Variants in GZF1 observed in about 807,000 individuals in gnomAD.
GZF1 encodes GDNF inducible zinc finger protein 1, also known as GDNF-inducible zinc finger protein 1.
A neutral mutation model predicts 49.4 loss-of-function variants in GZF1; 28 were observed. That is an observed-to-expected ratio of 0.57 (90% CI 0.42 to 0.78). The LOEUF (loss-of-function observed/expected upper bound fraction) is 0.78. Among genes scored for constraint, GZF1 ranks in the 30% least tolerant of loss-of-function variants. The pLI, the probability that GZF1 is intolerant of heterozygous loss-of-function variation, is 0.00. For missense variants in GZF1, 798 were observed against 916.2 expected (o/e 0.87, Z 1.67); for synonymous variants, 364 against 356.0 (o/e 1.02, Z -0.25).
At chr20:23,368,012 G>T (rs997341032) in intron 3 of GZF1, among the ~76,000 whole-genome samples, 1 of 152,168 alleles carries the variant, frequency 6.6e-6, no homozygotes, top group African/African-American at 2.4e-5. Context: ...TGCTCATTCT[G>T]AAGTCATAAT....
chr20:23,366,900 G>T, intron 2 of GZF1, 103 bp from the exon 3 acceptor site: 2 of 763,918 alleles, frequency 2.6e-6, no homozygotes. Context: ...ATTCTCATTA[G>T]GTCTCTTGGA....
In GZF1 at chr20:23,370,481, G is replaced by T; in HGVS notation, c.*40G>T. On this transcript the variant is annotated 3_prime_UTR_variant, in exon 6 of 6. Coordinates refer to ENST00000338121, the MANE Select transcript of GZF1 (RefSeq NM_022482.5). Reference sequence around the variant, plus strand: ...TCCCATCCTGTTAGTCTGCGTGTGTGGTAGCTGAACTCAAGATGATGTGGG... The same window carrying T: ...TCCCATCCTGTTAGTCTGCGTGTGTTGTAGCTGAACTCAAGATGATGTGGG... 1 of 1,292,126 alleles carries T rather than the reference G, an allele frequency of 7.7e-7. No individual in the cohort carries two copies. The highest frequency in any genetic ancestry group is 1.1e-6 in the Non-Finnish European group (1 of 899,424). The allele number at this position is 1,292,126 out of a possible 1,614,324, so 80.0% of individuals were successfully genotyped here.
chr20:23,365,870 C>T, intron 2 of GZF1, 123 bp downstream of exon 2: 1 of 1,380,022 alleles, frequency 7.2e-7, no homozygotes, highest in Non-Finnish European at 9.5e-7. Flanking sequence ...GGGCTTATTT[C>T]GAGACAGCGT....
Position 23,365,589 on chromosome 20 carries a change from C to A in GZF1, c.1206C>A (p.Gly402=), listed in dbSNP as rs763451075. Reference sequence around the variant, plus strand: ...GGCACGTGCTGCAGGTGCATGAGGGCGGCGGCGAGCGGCACCGCTGCGGCC... The same window carrying A: ...GGCACGTGCTGCAGGTGCATGAGGGAGGCGGCGAGCGGCACCGCTGCGGCC... ...VKRHVLQVHE[G]GGERHRCGQC... The change falls in exon 2 of 6, where the codon GGC becomes GGA. Residue 402 remains glycine, a synonymous_variant. Coordinates refer to ENST00000338121, the MANE Select transcript of GZF1 (RefSeq NM_022482.5). 8 of 1,609,170 alleles carry A rather than the reference C, an allele frequency of 5.0e-6. No individual in the cohort carries two copies. Among genetic ancestry groups the A allele is most frequent in the South Asian group, 1.1e-5 (1 of 91,002 alleles).
Position 23,369,700 on chromosome 20 carries a change from C to T in GZF1, c.1744C>T (p.Arg582Trp), listed in dbSNP as rs1347453704. The change falls in exon 5 of 6, where the codon CGG becomes TGG. Residue 582 changes from arginine to tryptophan, a missense_variant. Around this residue, in one of 3 missense-constraint regions of GZF1, gnomAD observed 446 missense variants for 540.1 expected, o/e 0.83. Coordinates refer to ENST00000338121, the MANE Select transcript of GZF1 (RefSeq NM_022482.5). The part of the protein sequence containing the change: ...ERPFMCNACG[R>W]TFTDKSTLRR... ...GCCATTCATGTGCAATGCGTGCGGACGGACATTCACCGACAAGTCCACTCT... is the reference window on the plus strand; with the variant it reads ...GCCATTCATGTGCAATGCGTGCGGATGGACATTCACCGACAAGTCCACTCT... The T allele has an allele frequency of 3.1e-6, 5 of 1,613,644 alleles. No homozygotes were observed. Among genetic ancestry groups the T allele is most frequent in the Admixed American group, 1.7e-5 (1 of 59,886 alleles).
Position 23,365,287 on chromosome 20 carries a change from G to T in GZF1, c.904G>T (p.Glu302Ter). The change falls in exon 2 of 6, where the codon GAG becomes TAG. Residue 302 changes from glutamate to a stop codon, truncating the protein, a stop_gained. Transcript: ENST00000338121. LOFTEE classifies it high-confidence loss of function. Reference sequence around the variant, plus strand: ...GAAAGCAGGGCCGGAGGAGGAAGAGGAGGAGGAGGAGGAGGACGAAGAAGG... The same window carrying T: ...GAAAGCAGGGCCGGAGGAGGAAGAGTAGGAGGAGGAGGAGGACGAAGAAGG... ...SKKAGPEEEE[E>*]EEEEDEEGEK... 1 of 1,604,464 alleles carries T rather than the reference G, an allele frequency of 6.2e-7. No homozygotes were observed. The highest frequency in any genetic ancestry group is 8.5e-7 in the Non-Finnish European group (1 of 1,174,884).
upstream of GZF1, among the ~76,000 whole-genome samples, chr20:23,361,339 TTA>T (rs1249612600): frequency 6.6e-6 from 1 of 152,128 alleles, no homozygotes; most frequent in Non-Finnish European, 1.5e-5. Flanking sequence ...CGGGCTTTAG[TTA>T]GTATTGAGCA....
chr20:23,363,186 T>A (rs1980898566), intron 1 of GZF1: 1 of 152,252 alleles, frequency 6.6e-6, no homozygotes, highest in South Asian at 2.1e-4. Flanking sequence ...GTGGGACTAG[T>A]TTATCAGGGA....
intron 3 of GZF1, 60 bp downstream of exon 3, chr20:23,367,157 GATTA>G (rs574585139): frequency 8.9e-6 from 11 of 1,242,700 alleles, no homozygotes; most frequent in African/African-American, 8.8e-5. Context: ...AAATGCAATT[GATTA>G]ATTTTGAAGT....
Position 23,370,396 on chromosome 20 carries a change from A to T in GZF1, c.2091A>T (p.Thr697=). The T allele has an allele frequency of 1.2e-6, 2 of 1,613,998 alleles. No homozygotes were observed. The highest frequency in any genetic ancestry group is 8.5e-7 in the Non-Finnish European group (1 of 1,179,874). ...ISELSELTPQ[T]DSMPTQLHSL... is the part of the protein sequence containing the mutation. ...AGCTTAGCGAGCTGACCCCACAGAC[A>T]GACTCGATGCCCACACAGCTTCACT... The change falls in exon 6 of 6, where the codon ACA becomes ACT. Residue 697 remains threonine (T), a synonymous_variant. Transcript: ENST00000338121.
At chr20:23,365,814 C>G (rs1981296585) in intron 2 of GZF1, 67 bp downstream of exon 2, 4 of 1,441,654 alleles carry the variant, frequency 2.8e-6, no homozygotes, top group Non-Finnish European at 3.6e-6. Flanking sequence ...TGAGGTCGTC[C>G]TGGGATTTGA....
At chr20:23,361,598 G>A (rs569332070), upstream of GZF1, among the ~76,000 whole-genome samples, 4 of 152,296 alleles carry the variant, frequency 2.6e-5, no homozygotes, top group South Asian at 2.1e-4. Context: ...AGAGCGCCGC[G>A]CCGAGCCCCG....
chr20:23,361,960 C>CGCGGCGGGTGACGCAAT (rs1021547743), upstream of GZF1, among the ~76,000 whole-genome samples: 28 of 152,304 alleles, frequency 1.8e-4, no homozygotes, highest in East Asian at 3.9e-4. Flanking sequence ...GGCCTTGGCT[C>CGCGGCGGGTGACGCAAT]GCGGCGGGTG....
At chr20:23,362,829 A>G (rs1303721201) in intron 1 of GZF1, 1 of 152,206 alleles carries the variant, frequency 6.6e-6, no homozygotes, top group Non-Finnish European at 1.5e-5. Context: ...CTCAGAACCC[A>G]CTTTGTTGAT....
In GZF1 at chr20:23,372,498, G is replaced by A. The variant is rs1164514864; in HGVS notation, c.*2057G>A. The A allele has an allele frequency of 1.3e-5, 2 of 152,172 alleles. No homozygotes were observed. Among genetic ancestry groups the A allele is most frequent in the East Asian group, 1.9e-4 (1 of 5,204 alleles). 9.4% of individuals were successfully genotyped at this position (152,172 alleles called of 1,614,324 possible). ...CTCTGCTCATGCGCAGGCCACAACCGGGCTGGAAGTGCGGTTGAGCTCTCT... is the reference window on the plus strand; with the variant it reads ...CTCTGCTCATGCGCAGGCCACAACCAGGCTGGAAGTGCGGTTGAGCTCTCT... On this transcript the variant is annotated 3_prime_UTR_variant, in exon 6 of 6. Coordinates refer to ENST00000338121, the MANE Select transcript of GZF1 (RefSeq NM_022482.5).
chr20:23,369,642 C>T lies in GZF1; in HGVS notation c.1686C>T (p.Leu562=), dbSNP rs1981831989. The T allele has an allele frequency of 6.2e-7, 1 of 1,613,378 alleles. No individual in the cohort carries two copies. Among genetic ancestry groups the T allele is most frequent in the South Asian group, 1.1e-5 (1 of 91,054 alleles). Residue 562 remains leucine, a synonymous_variant, in exon 5 of 6, where the codon CTC becomes CTT. Transcript: ENST00000338121. ...AGCAGTTCACCCAGCTCAACGCCCT[C>T]CAGCGCCACCGCCGCATCCACACAG... ...CGKQFTQLNA[L]QRHRRIHTGE... is the part of the protein sequence containing the mutation.
At chr20:23,366,012 C>G (rs1019023686) in intron 2 of GZF1, among the ~76,000 whole-genome samples, 1 of 152,242 alleles carries the variant, frequency 6.6e-6, no homozygotes, top group African/African-American at 2.4e-5. Flanking sequence ...CTCGCCCCAC[C>G]GTGCTGGAGG....
chr20:23,364,706 G>A lies in GZF1; in HGVS notation c.323G>A (p.Arg108Gln), dbSNP rs1374584860. The A allele has an allele frequency of 2.5e-6, 4 of 1,614,120 alleles. No homozygotes were observed. Among genetic ancestry groups the A allele is most frequent in the South Asian group, 1.1e-5 (1 of 91,084 alleles). ...KVQVEEDRVQ[R>Q]MLEVAEKLKC... ...CAGGTGGAAGAAGATCGGGTGCAGC[G>A]AATGCTGGAAGTGGCTGAAAAGCTG... Residue 108 changes from arginine to glutamine, a missense_variant, in exon 2 of 6, where the codon CGA (arginine) becomes CAA (glutamine). Around this residue, in one of 3 missense-constraint regions of GZF1, gnomAD observed 105 missense variants for 147.5 expected, o/e 0.71. Coordinates refer to ENST00000338121, the MANE Select transcript of GZF1 (RefSeq NM_022482.5).
rs532452387 is a variant in GZF1 at position 23,366,294 on chromosome 20, C to T, written c.1364+547C>T. Reference sequence around the variant, plus strand: ...GTGGTGATGTTTTTAAATAAGTTTTCTTATAGTTCTTAGTATATTTATTCT... The same window carrying T: ...GTGGTGATGTTTTTAAATAAGTTTTTTTATAGTTCTTAGTATATTTATTCT... On this transcript the variant is annotated intron_variant, in intron 2 of 5. Transcript: ENST00000338121. Among the ~76,000 whole-genome samples, 60 of 152,274 alleles carry T rather than the reference C, an allele frequency of 3.9e-4. No individual in the cohort carries two copies. The Middle Eastern group carries it at 0.01, about 26-fold the overall frequency.
Sources: gnomAD v4.1 joint callset for allele counts (sites outside exome capture counted in the v4.1 genomes callset) on GRCh38, gnomAD v4.1.1 for gene constraint, gnomAD v4.1.1 regional missense constraint, MANE v1.5 for transcripts, NCBI Gene and HGNC (gene_info 2026-07-23, HGNC 2026-07-21) for gene names.